Variants in SLC4A7 observed in about 807,000 individuals in gnomAD.
SLC4A7 encodes solute carrier family 4 member 7, also known as sodium bicarbonate cotransporter 3.
Under a neutral mutation model 137.6 loss-of-function variants are expected in SLC4A7, and 51 were observed. That is an observed-to-expected ratio of 0.37 (90% CI 0.30 to 0.47). The LOEUF is 0.47. Among genes scored for constraint, SLC4A7 ranks in the 20% least tolerant of loss-of-function variants. The probability of loss-of-function intolerance (pLI) is 1.00; values close to 1 mark genes in which losing one functional copy is unlikely to be tolerated. For missense variants in SLC4A7, 1,247 were observed against 1,525.4 expected (o/e 0.82, Z 3.04); for synonymous variants, 542 against 518.6 (o/e 1.05, Z -0.61).
rs897110281 is a variant in SLC4A7, at chr3:27,431,551, T to G, written c.897A>C (p.Arg299Ser). The G allele has an allele frequency of 1.2e-6, 2 of 1,613,986 alleles. No homozygotes were observed. Among genetic ancestry groups the G allele is most frequent in the Non-Finnish European group, 1.7e-6 (2 of 1,180,006 alleles). The change falls in exon 7 of 26, where the codon AGA becomes AGC. Residue 299 changes from arginine to serine, a missense_variant. Around this residue, in one of 6 missense-constraint regions of SLC4A7, gnomAD observed 223 missense variants for 203.6 expected, o/e 1.10. Coordinates refer to ENST00000454389, the MANE Select transcript of SLC4A7 (RefSeq NM_001321103.2). ...LLLGHLLPSSRAGTPAGSRCT... is the reference protein window; with the variant it reads ...LLLGHLLPSSSAGTPAGSRCT... ...ACCTTGAGCCTGCAGGGGTTCCAGC[T>G]CTTGAAGAAGGAAGAAGATGACCAA...
At chr3:27,421,978 T>C (rs1463786668) in intron 8 of SLC4A7, among the ~76,000 whole-genome samples, 199 bp from the exon 9 acceptor site, 2 of 152,156 alleles carry the variant, frequency 1.3e-5, no homozygotes, top group East Asian at 3.9e-4. Flanking sequence ...CTTATTTGAA[T>C]CAATGCTACT....
At chr3:27,421,328 T>A (rs2054953718) in intron 9 of SLC4A7, among the ~76,000 whole-genome samples, 1 of 151,692 alleles carries the variant, frequency 6.6e-6, no homozygotes, top group Non-Finnish European at 1.5e-5. Flanking sequence ...AAACACCATA[T>A]CTACTACAAA....
chr3:27,434,510 T>G (rs2056579560), intron 5 of SLC4A7, among the ~76,000 whole-genome samples: 2 of 152,178 alleles, frequency 1.3e-5, no homozygotes, highest in Admixed American at 6.5e-5. Context: ...ACTCAGTCAT[T>G]AACTATTCAC....
rs1283525828 is a variant in SLC4A7, at chr3:27,484,312, T to C, written c.-186A>G. 1 of 371,516 alleles carries C rather than the reference T, an allele frequency of 2.7e-6. No individual in the cohort carries two copies. The highest frequency in any genetic ancestry group is 4.7e-6 in the Non-Finnish European group (1 of 214,922). 23.0% of individuals were successfully genotyped at this position (371,516 alleles called of 1,614,324 possible). ...GGGCGCGGGAGACGCGGGGCGTGCG[T>C]GTGCGCGCTGCGACTGCTGGGCTGG... is the stretch of plus-strand genomic sequence containing the variant. On this transcript the variant is annotated 5_prime_UTR_variant, in exon 1 of 26. Transcript: ENST00000454389.
At chr3:27,424,266 G>T (rs551941872) in intron 7 of SLC4A7, 114 bp from the exon 8 acceptor site, 18 of 541,138 alleles carry the variant, frequency 3.3e-5, no homozygotes, top group Non-Finnish European at 5.2e-5. Flanking sequence ...AATGTGCAAG[G>T]TTAAAAAAAA....
At chr3:27,420,582 C>T (rs766203410) in intron 10 of SLC4A7, 118 bp downstream of exon 10, 23 of 558,748 alleles carry the variant, frequency 4.1e-5, no homozygotes, top group South Asian at 1.9e-4. Flanking sequence ...AAACAGTATA[C>T]ACAGCAAGGA....
In SLC4A7 at chr3:27,448,746, C is replaced by T. The variant is rs768592781; in HGVS notation, c.194G>A (p.Arg65His). ...GVHVPFSKES[R>H]RRHRHRGHKH... ...GTGTCCGCGATGCCTATGACGCCGA[C>T]GACTCTCTTTACTAAACGGGACGTG... is the stretch of plus-strand genomic sequence containing the variant. The change falls in exon 3 of 26, where the codon CGT becomes CAT. Residue 65 changes from arginine (R) to histidine (H), a missense_variant. This residue lies in a region of SLC4A7 where 176 missense variants were observed against 186.4 expected (regional missense o/e 0.94). Coordinates refer to ENST00000454389, the MANE Select transcript of SLC4A7 (RefSeq NM_001321103.2). 8.7e-6 allele frequency: 14 copies of T among 1,613,034 alleles called. No homozygotes were observed. The highest frequency in any genetic ancestry group is 2.2e-5 in the South Asian group (2 of 91,008).
At chr3:27,400,679 A>C in intron 16 of SLC4A7, 85 bp downstream of exon 16, 1 of 761,164 alleles carries the variant, frequency 1.3e-6, no homozygotes, top group Non-Finnish European at 2.2e-6. Flanking sequence ...CCATCAATCA[A>C]GAGAAAATGG....
intron 3 of SLC4A7, among the ~76,000 whole-genome samples, chr3:27,440,867 A>G (rs1352039890): frequency 1.3e-5 from 2 of 152,176 alleles, no homozygotes; most frequent in Admixed American, 1.3e-4. Flanking sequence ...CAACATGGTG[A>G]AACCCTGTCT....
chr3:27,429,623 G>A (rs113640532), intron 7 of SLC4A7, among the ~76,000 whole-genome samples: 1,833 of 152,266 alleles, frequency 0.012, 14 homozygotes, highest in Non-Finnish European at 0.021. Context: ...GCCAAGGTGG[G>A]TGGATCATTT....
At chr3:27,444,884 G>C (rs73822307) in intron 3 of SLC4A7, among the ~76,000 whole-genome samples, 4,656 of 152,196 alleles carry the variant, frequency 0.031, 252 homozygotes, top group African/African-American at 0.11. Flanking sequence ...AACATGGTCA[G>C]GTGCTAGATT....
intron 10 of SLC4A7, 88 bp downstream of exon 10, chr3:27,420,612 A>G (rs751229790): frequency 5.1e-5 from 40 of 784,724 alleles, no homozygotes; most frequent in Non-Finnish European, 7.1e-5. Context: ...GAGCTTCACT[A>G]TGAAAGAAAA....
chr3:27,398,978 T>C (rs1226980949), intron 16 of SLC4A7, among the ~76,000 whole-genome samples: 1 of 149,424 alleles, frequency 6.7e-6, no homozygotes, highest in Non-Finnish European at 1.5e-5. Context: ...AATGCAATTA[T>C]AGAAACTACT....
intron 3 of SLC4A7, among the ~76,000 whole-genome samples, chr3:27,442,490 G>A (rs2057278317): frequency 6.7e-6 from 1 of 150,200 alleles, no homozygotes; most frequent in Non-Finnish European, 1.5e-5. Flanking sequence ...ATGGGGTGCA[G>A]TGGCGCAATC....
chr3:27,454,346 A>T (rs1220149368), intron 1 of SLC4A7, among the ~76,000 whole-genome samples: 1 of 152,076 alleles, frequency 6.6e-6, no homozygotes, highest in Non-Finnish European at 1.5e-5. Flanking sequence ...GGCGCCTGTA[A>T]TCCCAGCTAC....
At chr3:27,385,841 C>A (rs781443228) in intron 23 of SLC4A7, 51 bp downstream of exon 23, 1 of 1,297,544 alleles carries the variant, frequency 7.7e-7, no homozygotes, top group South Asian at 1.3e-5. Context: ...CAATATGGTG[C>A]AAAATATTAA....
At chr3:27,388,754 AAAT>A (rs1161939723) in intron 22 of SLC4A7, among the ~76,000 whole-genome samples, 1 of 152,156 alleles carries the variant, frequency 6.6e-6, no homozygotes, top group African/African-American at 2.4e-5. Flanking sequence ...CAATTAAGTA[AAAT>A]AATGTCAAAT....
chr3:27,398,334 C>A lies in SLC4A7; in HGVS notation c.2447G>T (p.Gly816Val). The change falls in exon 17 of 26, where the codon GGT (glycine) becomes GTT (valine). Residue 816 changes from glycine to valine, a missense_variant. Gly to Val is a moderately radical substitution (Grantham distance 109). Around this residue, in one of 6 missense-constraint regions of SLC4A7, gnomAD observed 499 missense variants for 664.2 expected, o/e 0.75. Transcript: ENST00000454389. ...LTVSECKKLR[G>V]VFLGSACGHH... ...ACCACAAGCTGACCCCAAGAATACA[C>A]CACGAAGTTTTTTACATTCCTGGAA... 1 of 1,595,772 alleles carries A rather than the reference C, an allele frequency of 6.3e-7. No individual in the cohort carries two copies. Among genetic ancestry groups the A allele is most frequent in the Non-Finnish European group, 8.5e-7 (1 of 1,173,340 alleles).
intron 3 of SLC4A7, among the ~76,000 whole-genome samples, chr3:27,441,687 T>A (rs2057206440): frequency 6.6e-6 from 1 of 152,014 alleles, no homozygotes. Context: ...AGGGTTTTGC[T>A]TTGCTGCCTA....
Sources: allele counts gnomAD v4.1 joint callset (sites outside exome capture counted in the v4.1 genomes callset), GRCh38; gene constraint gnomAD v4.1.1; regional missense constraint gnomAD v4.1.1; transcripts MANE v1.5; gene names NCBI Gene and HGNC (gene_info 2026-07-23, HGNC 2026-07-21).